The following RBFOX1 variants were observed in gnomAD, a reference collection of about 807,000 sequenced individuals.
RBFOX1 encodes the protein RNA binding fox-1 homolog 1.
A neutral mutation model predicts 57.7 loss-of-function variants in RBFOX1; 8 were observed. The observed-to-expected ratio is 0.14, with a 90% CI of 0.08 to 0.25. RBFOX1 has a LOEUF of 0.25. RBFOX1 is among the 10% of genes least tolerant of loss of function. RBFOX1 has a pLI of 1.00. For missense variants in RBFOX1, 611 were observed against 548.5 expected (o/e 1.11, Z -1.14); for synonymous variants, 326 against 222.4 (o/e 1.47, Z -4.15).
At chr16:6,581,278 C>T (rs1310422461) in intron 2 of RBFOX1, among the ~76,000 whole-genome samples, 1 of 152,188 alleles carries the variant, frequency 6.6e-6, no homozygotes, top group Non-Finnish European at 1.5e-5. Flanking sequence ...ATCTCCTGCA[C>T]AGGGTTCTGT....
chr16:7,398,136 A>G (rs1199148143), intron 4 of RBFOX1, among the ~76,000 whole-genome samples: 1 of 152,228 alleles, frequency 6.6e-6, no homozygotes, highest in Non-Finnish European at 1.5e-5. Flanking sequence ...CACATGGAAG[A>G]AGGAAATGCC....
At chr16:6,970,644 T>C (rs1056849140) in intron 3 of RBFOX1, among the ~76,000 whole-genome samples, 2 of 152,122 alleles carry the variant, frequency 1.3e-5, no homozygotes, top group African/African-American at 4.8e-5. Context: ...CTAATCCCAT[T>C]TGTGAGGGCT....
intron 14 of RBFOX1, among the ~76,000 whole-genome samples, chr16:7,682,606 ATT>A (rs879761790): frequency 6.7e-6 from 1 of 148,598 alleles, no homozygotes; most frequent in East Asian, 2.0e-4. Flanking sequence ...GGGTTCTATA[ATT>A]TTTTTTAAAA....
chr16:5,463,815 A>C (rs2068869890), intron 1 of RBFOX1, among the ~76,000 whole-genome samples: 1 of 152,040 alleles, frequency 6.6e-6, no homozygotes, highest in South Asian at 2.1e-4. Flanking sequence ...AAAAAAAAGA[A>C]ATAATAAAAA....
chr16:6,833,247 C>A (rs964346879), intron 3 of RBFOX1, among the ~76,000 whole-genome samples: 1 of 151,878 alleles, frequency 6.6e-6, no homozygotes, highest in Non-Finnish European at 1.5e-5. Context: ...CTCATTACAA[C>A]CTCCGCCTCC....
At chr16:7,084,861 A>G (rs767396541) in intron 4 of RBFOX1, among the ~76,000 whole-genome samples, 6 of 151,352 alleles carry the variant, frequency 4.0e-5, no homozygotes, top group East Asian at 3.9e-4. Context: ...CTTTCTGTCT[A>G]TCTATCTATC....
chr16:6,180,041 A>G (rs187224366), intron 1 of RBFOX1, among the ~76,000 whole-genome samples: 56 of 152,304 alleles, frequency 3.7e-4, no homozygotes, highest in African/African-American at 1.3e-3. Flanking sequence ...TTGGTTTGCC[A>G]GTATCTTCTT....
chr16:5,458,662 C>T (rs2068702007), intron 1 of RBFOX1, among the ~76,000 whole-genome samples: 1 of 152,184 alleles, frequency 6.6e-6, no homozygotes, highest in Non-Finnish European at 1.5e-5. Context: ...TTTCAGGTTG[C>T]CATGAATCCA....
At chr16:7,643,746 G>T (rs1198351068) in intron 11 of RBFOX1, among the ~76,000 whole-genome samples, 1 of 152,156 alleles carries the variant, frequency 6.6e-6, no homozygotes, top group Non-Finnish European at 1.5e-5. Context: ...CTCTTACCAG[G>T]AACATAAATC....
rs973556309 is a variant in RBFOX1 at position 5,311,949 on chromosome 16, C to G, written c.219+71844C>G. 3.3e-5 allele frequency among the ~76,000 whole-genome samples: 5 copies of G among 152,180 alleles called. No individual in the cohort carries two copies. In the South Asian group the frequency reaches 6.2e-4, roughly 19 times the overall value. On this transcript the variant is annotated intron_variant, in intron 1 of 2. Transcript: ENST00000585867. ...TGTAATAATCTGTGGGCAAATCCAT[C>G]CTCCCCAGTAAATCATGAGCCTTGC... is the stretch of plus-strand genomic sequence containing the variant.
chr16:5,751,968 T>G (rs7200122), intron 3 of RBFOX1, among the ~76,000 whole-genome samples: 136 of 152,208 alleles, frequency 8.9e-4, no homozygotes, highest in Non-Finnish European at 1.5e-3. Flanking sequence ...TAAAGATACA[T>G]GCATGTGTAT....
At position 7,686,712 on chromosome 16, in the gene RBFOX1, C is replaced by T. The variant is rs900462841; in HGVS notation, c.995+9874C>T. Among the ~76,000 whole-genome samples the T allele has an allele frequency of 4.6e-5, 7 of 152,180 alleles. No individual in the cohort carries two copies. The South Asian group carries it at 6.2e-4, about 14-fold the overall frequency. On this transcript the variant is annotated intron_variant, in intron 14 of 15. Transcript: ENST00000550418. ...CCAAATGAAGAAACTGAGGTCCAGA[C>T]AGGTGAAATGAATTTTCTATTGGAA...
chr16:6,034,068 C>T (rs2095328247), intron 1 of RBFOX1, among the ~76,000 whole-genome samples: 1 of 152,086 alleles, frequency 6.6e-6, no homozygotes. Flanking sequence ...GGCGCGGTGG[C>T]TCATGCCCGT....
chr16:6,773,915 T>A (rs1185486338), intron 3 of RBFOX1: 1 of 982,974 alleles, frequency 1.0e-6, no homozygotes, highest in Admixed American at 6.2e-5. Flanking sequence ...GCATTTGCGT[T>A]GCGGGGGTGT....
chr16:6,854,798 G>A (rs1056363260), intron 3 of RBFOX1, among the ~76,000 whole-genome samples: 1 of 151,952 alleles, frequency 6.6e-6, no homozygotes, highest in Non-Finnish European at 1.5e-5. Flanking sequence ...GTTTCACCAT[G>A]TTAGCCAGGA....
At chr16:5,591,257 T>A in intron 2 of RBFOX1, among the ~76,000 whole-genome samples, 1 of 149,410 alleles carries the variant, frequency 6.7e-6, no homozygotes, top group Admixed American at 6.6e-5. Flanking sequence ...TGAACCTTTT[T>A]TTTTTTTTTT....
intron 3 of RBFOX1, among the ~76,000 whole-genome samples, chr16:6,793,615 A>G (rs559525736): frequency 1.3e-5 from 2 of 152,274 alleles, no homozygotes; most frequent in Admixed American, 1.3e-4. Context: ...AGCAAACTGA[A>G]AGCTTTACTG....
intron 1 of RBFOX1, among the ~76,000 whole-genome samples, chr16:6,304,506 A>G (rs1268290849): frequency 6.6e-6 from 1 of 152,072 alleles, no homozygotes; most frequent in Admixed American, 6.5e-5. Flanking sequence ...CTTGAGGACT[A>G]TCTTCCCTAC....
intron 3 of RBFOX1, among the ~76,000 whole-genome samples, chr16:5,803,182 T>C (rs1232102042): frequency 6.6e-6 from 1 of 152,156 alleles, no homozygotes; most frequent in Non-Finnish European, 1.5e-5. Flanking sequence ...AATAAAACCT[T>C]ACCTCATAGC....
Sources: allele counts gnomAD v4.1 joint callset (sites outside exome capture counted in the v4.1 genomes callset), GRCh38; gene constraint gnomAD v4.1.1; transcripts MANE v1.5; gene names NCBI Gene and HGNC (gene_info 2026-07-23, HGNC 2026-07-21).